Variants in ANKS1B observed in about 807,000 individuals in gnomAD.
ANKS1B encodes the protein ankyrin repeat and sterile alpha motif domain-containing protein 1B.
A neutral mutation model predicts 148.3 loss-of-function variants in ANKS1B; 36 were observed. The observed-to-expected ratio is 0.24, with a 90% CI of 0.19 to 0.32. The LOEUF is 0.32. ANKS1B is among the 10% of genes least tolerant of loss of function. The pLI is 1.00. For synonymous variants in ANKS1B, 542 were observed against 560.8 expected, an observed-to-expected ratio of 0.97 and a Z score of 0.47; for missense variants, 1,157 against 1,542.6, an observed-to-expected ratio of 0.75 and a Z score of 4.19.
chr12:99,205,936 G>A (rs898189702), intron 14 of ANKS1B, among the ~76,000 whole-genome samples: 1 of 152,150 alleles, frequency 6.6e-6, no homozygotes, highest in African/African-American at 2.4e-5. Flanking sequence ...ACAGGGTCAG[G>A]CAGAAACTGG....
chr12:99,785,387 T>C (rs1358723650), intron 4 of ANKS1B, among the ~76,000 whole-genome samples: 1 of 152,012 alleles, frequency 6.6e-6, no homozygotes, highest in Non-Finnish European at 1.5e-5. Flanking sequence ...CAACCTGAAA[T>C]AGAAATATCA....
At chr12:98,913,765 T>G (rs146536497) in intron 17 of ANKS1B, among the ~76,000 whole-genome samples, 2 of 152,120 alleles carry the variant, frequency 1.3e-5, no homozygotes, top group Non-Finnish European at 2.9e-5. Context: ...GTAGCTACGA[T>G]GACAGACGCG....
chr12:99,260,740 T>C (rs1022086869), intron 12 of ANKS1B, among the ~76,000 whole-genome samples: 1 of 152,194 alleles, frequency 6.6e-6, no homozygotes, highest in East Asian at 1.9e-4. Context: ...GCTTTAAATG[T>C]ATGTAAAATG....
At chr12:99,748,967 C>A (rs2060852579) in intron 8 of ANKS1B, among the ~76,000 whole-genome samples, 2 of 152,028 alleles carry the variant, frequency 1.3e-5, no homozygotes, top group Admixed American at 6.6e-5. Context: ...CTGCAACCAC[C>A]CTCAATCATC....
chr12:99,366,627 T>C (rs1350034791), intron 12 of ANKS1B, among the ~76,000 whole-genome samples: 1 of 152,162 alleles, frequency 6.6e-6, no homozygotes, highest in Non-Finnish European at 1.5e-5. Flanking sequence ...TAAGTGATAT[T>C]GGTTCAGCTT....
At position 99,170,914 on chromosome 12, in the gene ANKS1B, C is replaced by T. The variant is rs1492255; in HGVS notation, c.2420-16519G>A. Among the ~76,000 whole-genome samples the T allele has an allele frequency of 5.2e-3, 792 of 152,184 alleles. 11 individuals are homozygous for T. The highest frequency in any genetic ancestry group is 0.019 in the African/African-American group (777 of 41,520). On this transcript the variant is annotated intron_variant, in intron 14 of 26. Transcript: ENST00000683438. ...TTTCTACCGTAATTAGCAAAAGGGA[C>T]AATTAGTTATTTTAACATATTTTAA...
intron 8 of ANKS1B, among the ~76,000 whole-genome samples, chr12:99,700,584 C>T (rs966036781): frequency 6.6e-6 from 1 of 152,092 alleles, no homozygotes; most frequent in Non-Finnish European, 1.5e-5. Flanking sequence ...GCAACCTCAG[C>T]ACATAATATT....
At chr12:99,791,322 A>T (rs747047751) in intron 4 of ANKS1B, among the ~76,000 whole-genome samples, 50 of 152,190 alleles carry the variant, frequency 3.3e-4, no homozygotes, top group Non-Finnish European at 5.4e-4. Flanking sequence ...TAAATACAAT[A>T]ATAGCTGGAG....
intron 17 of ANKS1B, among the ~76,000 whole-genome samples, chr12:98,879,397 C>T (rs574171567): frequency 6.6e-6 from 1 of 152,308 alleles, no homozygotes; most frequent in South Asian, 2.1e-4. Flanking sequence ...GCACACACAG[C>T]TAATAAGTCA....
At chr12:98,965,105 TA>T (rs938703288) in intron 17 of ANKS1B, among the ~76,000 whole-genome samples, 51 of 146,324 alleles carry the variant, frequency 3.5e-4, no homozygotes, top group Admixed American at 4.7e-4. Flanking sequence ...CCTACAAAAA[TA>T]AAAAAAAAAC....
rs559292012 is a variant in ANKS1B at position 99,107,496 on chromosome 12, T to C, written c.2527-22473A>G. The stretch of plus-strand genomic sequence containing the variant: ...GGACTGTCTTTGGGGTATCCATTTC[T>C]ATAAAAAGAAAATCTGGCATTCCTT... On this transcript the variant is annotated intron_variant, in intron 15 of 26. Transcript: ENST00000683438. Among the ~76,000 whole-genome samples the C allele has an allele frequency of 2.0e-5, 3 of 152,356 alleles. No individual in the cohort carries two copies. The South Asian group carries it at 6.2e-4, about 32-fold the overall frequency.
At chr12:99,234,307 G>A (rs2087443137) in intron 14 of ANKS1B, among the ~76,000 whole-genome samples, 1 of 152,134 alleles carries the variant, frequency 6.6e-6, no homozygotes, top group South Asian at 2.1e-4. Flanking sequence ...TTAAATCAAT[G>A]TGTATTAGAC....
chr12:99,467,759 AC>A (rs1217806995), intron 10 of ANKS1B, among the ~76,000 whole-genome samples: 1 of 152,236 alleles, frequency 6.6e-6, no homozygotes, highest in Non-Finnish European at 1.5e-5. Context: ...TTCAAGGAGA[AC>A]TACAAACCAC....
At chr12:99,759,079 T>A (rs2153604803) in intron 8 of ANKS1B, among the ~76,000 whole-genome samples, 1 of 152,010 alleles carries the variant, frequency 6.6e-6, no homozygotes, top group South Asian at 2.1e-4. Flanking sequence ...TTATTTCCTG[T>A]CGGATTTATT....
intron 14 of ANKS1B, among the ~76,000 whole-genome samples, chr12:99,224,688 T>C (rs2085621267): frequency 6.6e-6 from 1 of 152,214 alleles, no homozygotes. Flanking sequence ...GTCTCAGGTA[T>C]TTCTTTATAG....
At chr12:98,790,989 A>C (rs2098843520) in intron 22 of ANKS1B, among the ~76,000 whole-genome samples, 2 of 152,192 alleles carry the variant, frequency 1.3e-5, no homozygotes, top group Admixed American at 6.5e-5. Flanking sequence ...CTGGGGTTTG[A>C]AGACAATATG....
At chr12:99,025,477 A>T (rs1184740678) in intron 17 of ANKS1B, among the ~76,000 whole-genome samples, 2 of 152,184 alleles carry the variant, frequency 1.3e-5, no homozygotes, top group African/African-American at 4.8e-5. Flanking sequence ...ATTTAATTAG[A>T]CCTTGTACAA....
chr12:99,087,963 A>G (rs2052529525), intron 15 of ANKS1B, among the ~76,000 whole-genome samples: 1 of 152,190 alleles, frequency 6.6e-6, no homozygotes, highest in South Asian at 2.1e-4. Context: ...TTGAAGAATT[A>G]TAGGGAAGTT....
intron 17 of ANKS1B, among the ~76,000 whole-genome samples, chr12:98,893,093 T>C (rs1256444547): frequency 2.0e-5 from 3 of 152,176 alleles, no homozygotes; most frequent in Non-Finnish European, 2.9e-5. Context: ...TGTAACAATG[T>C]TTTTGTATGA....
Sources: gnomAD v4.1 joint callset for allele counts (sites outside exome capture counted in the v4.1 genomes callset) on GRCh38, gnomAD v4.1.1 for gene constraint, MANE v1.5 for transcripts, NCBI Gene and HGNC (gene_info 2026-07-23, HGNC 2026-07-21) for gene names.